The following ENTHD1 variants were observed in gnomAD, a reference collection of about 807,000 sequenced individuals.
ENTHD1 encodes ENTH domain containing 1.
Under a neutral mutation model 39.1 loss-of-function variants are expected in ENTHD1, and 23 were observed. The ratio of observed to expected loss-of-function variants is 0.59; its 90% CI spans 0.42 to 0.83. The LOEUF (loss-of-function observed/expected upper bound fraction) is 0.83, where lower values mean the gene tolerates loss of function less well. Ranked by LOEUF, ENTHD1 falls within the 40% of genes least tolerant of loss-of-function variation. The probability of loss-of-function intolerance (pLI) is 0.00; values close to 1 mark genes in which losing one functional copy is unlikely to be tolerated. For synonymous variants in ENTHD1, 230 were observed against 258.2 expected, an observed-to-expected ratio of 0.89 and a Z score of 1.05; for missense variants, 624 against 705.4, an observed-to-expected ratio of 0.88 and a Z score of 1.31.
intron 5 of ENTHD1, among the ~76,000 whole-genome samples, chr22:39,796,657 T>C (rs748243911): frequency 1.4e-4 from 22 of 152,216 alleles, no homozygotes; most frequent in Non-Finnish European, 2.8e-4. Context: ...TTCAGGAGCA[T>C]GTTATTAAAG....
intron 2 of ENTHD1, among the ~76,000 whole-genome samples, chr22:39,869,345 A>G (rs1202040381): frequency 6.6e-6 from 1 of 152,208 alleles, no homozygotes; most frequent in African/African-American, 2.4e-5. Context: ...CATTATCCTA[A>G]GCAAATTCAT....
At chr22:39,791,272 T>C (rs1396887587) in intron 5 of ENTHD1, among the ~76,000 whole-genome samples, 1 of 148,156 alleles carries the variant, frequency 6.7e-6, no homozygotes, top group Non-Finnish European at 1.5e-5. Context: ...GTCTAGACTA[T>C]ATATAGTTTT....
intron 5 of ENTHD1, among the ~76,000 whole-genome samples, chr22:39,774,336 A>G (rs1055083134): frequency 1.3e-5 from 2 of 152,152 alleles, no homozygotes; most frequent in African/African-American, 4.8e-5. Context: ...CACTAGATCT[A>G]GATGGTCACC....
In ENTHD1 at chr22:39,797,641, T is replaced by A. The variant is rs528468490; in HGVS notation, c.832+23352A>T. On this transcript the variant is annotated intron_variant, in intron 5 of 6. Transcript: ENST00000325157. ...GTAGGGTTGGTCTAGTGGTGATGAATTCCCTCAGTTTCTGCTTGTTTGGGA... is the reference window on the plus strand; with the variant it reads ...GTAGGGTTGGTCTAGTGGTGATGAAATCCCTCAGTTTCTGCTTGTTTGGGA... 3.9e-5 allele frequency among the ~76,000 whole-genome samples: 6 copies of A among 152,272 alleles called. No homozygotes were observed. The East Asian group carries it at 1.2e-3, about 29-fold the overall frequency.
At chr22:39,779,504 AAATG>A (rs2065391407) in intron 5 of ENTHD1, among the ~76,000 whole-genome samples, 1 of 152,170 alleles carries the variant, frequency 6.6e-6, no homozygotes, top group Non-Finnish European at 1.5e-5. Flanking sequence ...GTCTTACAAG[AAATG>A]CTAAAGGGAG....
At chr22:39,754,835 C>G (rs1231277345) in intron 6 of ENTHD1, among the ~76,000 whole-genome samples, 2 of 152,226 alleles carry the variant, frequency 1.3e-5, no homozygotes, top group Non-Finnish European at 2.9e-5. Context: ...ATCAGCATTT[C>G]ACATTCCTAA....
chr22:39,825,127 G>A (rs1446092938), intron 4 of ENTHD1, among the ~76,000 whole-genome samples: 3 of 152,080 alleles, frequency 2.0e-5, no homozygotes, highest in Non-Finnish European at 4.4e-5. Flanking sequence ...TATGGACTCT[G>A]TACATGTTTT....
At chr22:39,811,532 A>G (rs781625320) in intron 5 of ENTHD1, among the ~76,000 whole-genome samples, 1 of 152,202 alleles carries the variant, frequency 6.6e-6, no homozygotes, top group Non-Finnish European at 1.5e-5. Context: ...AGCCACCTAA[A>G]AAACAACACT....
intron 1 of ENTHD1, among the ~76,000 whole-genome samples, chr22:39,891,620 A>AT (rs980676562): frequency 6.7e-6 from 1 of 149,886 alleles, no homozygotes; most frequent in African/African-American, 2.5e-5. Context: ...TAAAAAAAAA[A>AT]TTTTATTTTT....
intron 1 of ENTHD1, among the ~76,000 whole-genome samples, chr22:39,888,108 G>A (rs945789806): frequency 2.6e-5 from 4 of 151,922 alleles, no homozygotes; most frequent in African/African-American, 7.3e-5. Context: ...AGAAATATAG[G>A]TTGTCTTTCT....
At chr22:39,851,912 G>T (rs1394077407) in intron 3 of ENTHD1, among the ~76,000 whole-genome samples, 1 of 152,126 alleles carries the variant, frequency 6.6e-6, no homozygotes, top group African/African-American at 2.4e-5. Context: ...TGCAGTAAAT[G>T]GAGTTCCTAG....
At chr22:39,744,827 G>A (rs1275113871) in intron 6 of ENTHD1, among the ~76,000 whole-genome samples, 1 of 152,046 alleles carries the variant, frequency 6.6e-6, no homozygotes, top group Non-Finnish European at 1.5e-5. Flanking sequence ...CTGAAATCTA[G>A]AATACTTTAG....
chr22:39,818,195 C>T (rs541439517), intron 5 of ENTHD1, among the ~76,000 whole-genome samples: 71 of 152,320 alleles, frequency 4.7e-4, no homozygotes, highest in African/African-American at 1.7e-3. Context: ...GGAAAGACCA[C>T]ATGAAGAGGC....
At chr22:39,863,285 C>T (rs1201271596) in intron 2 of ENTHD1, among the ~76,000 whole-genome samples, 1 of 152,116 alleles carries the variant, frequency 6.6e-6, no homozygotes, top group African/African-American at 2.4e-5. Context: ...TACAGGGGTA[C>T]AGTTGGGGTG....
intron 2 of ENTHD1, among the ~76,000 whole-genome samples, chr22:39,872,626 T>C (rs968844677): frequency 1.3e-5 from 2 of 152,188 alleles, no homozygotes; most frequent in Non-Finnish European, 2.9e-5. Flanking sequence ...GTCTAAGATA[T>C]TCAAAATCTG....
chr22:39,762,214 G>A (rs1418193536), intron 6 of ENTHD1, among the ~76,000 whole-genome samples: 1 of 152,058 alleles, frequency 6.6e-6, no homozygotes, highest in African/African-American at 2.4e-5. Flanking sequence ...TTAGTGGTCG[G>A]TCAAGAATTT....
intron 1 of ENTHD1, among the ~76,000 whole-genome samples, chr22:39,888,721 C>T (rs1050894686): frequency 5.9e-5 from 9 of 152,118 alleles, no homozygotes; most frequent in Admixed American, 2.6e-4. Context: ...CCACCGCTTC[C>T]GGCCTGCCTG....
Position 39,760,076 on chromosome 22 carries a change from G to A in ENTHD1, c.1219+5147C>T, listed in dbSNP as rs541863161. Among the ~76,000 whole-genome samples the A allele has an allele frequency of 1.3e-3, 202 of 151,732 alleles. 7 individuals carry two copies. In the South Asian group the frequency reaches 0.041, roughly 31 times the overall value. ...GAATGTTCATTTTGCACTTGAAAAA[G>A]AATGTTAAAAAAAAGAAAAATAATG... is the stretch of plus-strand genomic sequence containing the variant. On this transcript the variant is annotated intron_variant, in intron 6 of 6. Coordinates refer to ENST00000325157, the MANE Select transcript of ENTHD1 (RefSeq NM_152512.4).
chr22:39,803,656 C>T lies in ENTHD1; in HGVS notation c.832+17337G>A, dbSNP rs1327366440. 2.6e-5 allele frequency among the ~76,000 whole-genome samples: 4 copies of T among 152,134 alleles called. No homozygotes were observed. In the East Asian group the frequency reaches 7.7e-4, roughly 29 times the overall value. ...ACAATTAACACCTAGATGCTGATAA[C>T]CATGCTTCACTTGATGCTTATAGCA... On this transcript the variant is annotated intron_variant, in intron 5 of 6. Coordinates refer to ENST00000325157, the MANE Select transcript of ENTHD1 (RefSeq NM_152512.4).
Sources: allele counts gnomAD v4.1 joint callset (sites outside exome capture counted in the v4.1 genomes callset), GRCh38; gene constraint gnomAD v4.1.1; transcripts MANE v1.5; gene names NCBI Gene and HGNC (gene_info 2026-07-23, HGNC 2026-07-21).